IQCK: variants seen among roughly 807,000 people sequenced by gnomAD.
The protein encoded by IQCK is IQ domain-containing protein K.
In IQCK, 29 loss-of-function variants were observed where a neutral mutation model predicts 28.1. The ratio of observed to expected loss-of-function variants is 1.03; its 90% confidence interval spans 0.77 to 1.41. IQCK has a LOEUF of 1.41. Among genes scored for constraint, IQCK ranks in the 40% most tolerant of loss-of-function variants. IQCK has a pLI of 0.00. For synonymous variants in IQCK, 113 were observed against 115.1 expected (o/e 0.98, Z 0.12); for missense variants, 359 against 314.7 (o/e 1.14, Z -1.07).
intron 6 of IQCK, among the ~76,000 whole-genome samples, chr16:19,782,618 AC>A (rs1352544250): frequency 6.6e-6 from 1 of 151,640 alleles, no homozygotes; most frequent in Non-Finnish European, 1.5e-5. Context: ...ACAGAGCAAG[AC>A]CCTGTCAAAA....
intron 7 of IQCK, among the ~76,000 whole-genome samples, chr16:19,815,067 G>A (rs576858743): frequency 2.6e-5 from 4 of 152,154 alleles, no homozygotes; most frequent in Admixed American, 6.5e-5. Flanking sequence ...GATTATAGGC[G>A]TGAGCCACTA....
intron 7 of IQCK, among the ~76,000 whole-genome samples, chr16:19,789,484 G>T: frequency 1.8e-5 from 1 of 56,856 alleles, no homozygotes; most frequent in Non-Finnish European, 2.9e-5. Flanking sequence ...TAAAAGTACT[G>T]TCTTAACCTT....
intron 3 of IQCK, among the ~76,000 whole-genome samples, chr16:19,734,486 A>G (rs968869756): frequency 2.1e-5 from 3 of 140,876 alleles, no homozygotes; most frequent in African/African-American, 8.5e-5. Flanking sequence ...AAAATTATCC[A>G]GGCATGGTGG....
chr16:19,848,161 G>A (rs2056435674), intron 9 of IQCK, among the ~76,000 whole-genome samples: 1 of 152,218 alleles, frequency 6.6e-6, no homozygotes, highest in Non-Finnish European at 1.5e-5. Context: ...AACAATGAGT[G>A]TGATGAGTCT....
intron 7 of IQCK, among the ~76,000 whole-genome samples, chr16:19,809,087 C>T (rs2055869321): frequency 6.6e-6 from 1 of 152,158 alleles, no homozygotes; most frequent in Admixed American, 6.5e-5. Flanking sequence ...GAACTCCTGA[C>T]CTCAGGTGAT....
At position 19,735,334 on chromosome 16, in the gene IQCK, TTTTG is replaced by T. The variant is rs770012665; in HGVS notation, c.377-7_377-4del. On this transcript the variant is annotated splice_polypyrimidine_tract_variant and intron_variant, in intron 3 of 7. Transcript: ENST00000564186. The stretch of plus-strand genomic sequence containing the variant: ...GCCACTGGGGATTTGCAGGGGGAAT[TTTTG>T]TTTGTTTGTTTTAGGTTCTCCCAAA... 3.8e-6 allele frequency: 6 copies of T among 1,586,246 alleles called. No homozygotes were observed. The highest frequency in any genetic ancestry group is 3.3e-5 in the Admixed American group (2 of 59,888).
intron 1 of IQCK, among the ~76,000 whole-genome samples, chr16:19,719,625 A>C (rs1977415882): frequency 6.6e-6 from 1 of 150,940 alleles, no homozygotes; most frequent in South Asian, 2.1e-4. Context: ...AGCATTTGAA[A>C]TGTGATTAGT....
downstream of IQCK, among the ~76,000 whole-genome samples, chr16:19,831,136 C>T (rs927793558): frequency 1.3e-5 from 2 of 152,168 alleles, no homozygotes; most frequent in African/African-American, 4.8e-5. Context: ...TGGGGCTGGG[C>T]CCAGGACTTC....
At chr16:19,740,570 A>G (rs1441315531) in intron 4 of IQCK, among the ~76,000 whole-genome samples, 2 of 152,198 alleles carry the variant, frequency 1.3e-5, no homozygotes, top group South Asian at 2.1e-4. Context: ...CTGTTGACCA[A>G]AGTATATTGA....
At chr16:19,856,373 C>G in intron 9 of IQCK, 114 bp from the exon 9 acceptor site, 1 of 759,006 alleles carries the variant, frequency 1.3e-6, no homozygotes, top group Non-Finnish European at 2.3e-6. Context: ...AGCAGGCGCA[C>G]AGTGGGTTTT....
At chr16:19,727,594 C>A (rs977683584) in intron 1 of IQCK, among the ~76,000 whole-genome samples, 1 of 150,554 alleles carries the variant, frequency 6.6e-6, no homozygotes, top group Admixed American at 6.6e-5. Flanking sequence ...CACCCCCCCC[C>A]CCCAAAAAAA....
rs192569767 is a variant in IQCK at position 19,741,712 on chromosome 16, C to T, written c.474+6262C>T. On this transcript the variant is annotated intron_variant, in intron 4 of 7. Coordinates refer to ENST00000564186, the Ensembl canonical transcript of IQCK. ...TTAAAACTGTTCATATGTGGCCAGGCATGGTGGTTCATGCCTGTAATCCCA... is the reference window on the plus strand; with the variant it reads ...TTAAAACTGTTCATATGTGGCCAGGTATGGTGGTTCATGCCTGTAATCCCA... Among the ~76,000 whole-genome samples the T allele has an allele frequency of 2.3e-3, 349 of 152,256 alleles. 2 individuals are homozygous for T. Among genetic ancestry groups the T allele is most frequent in the Middle Eastern group, 6.8e-3 (2 of 294 alleles).
chr16:19,838,039 C>T (rs549468916), intron 9 of IQCK, among the ~76,000 whole-genome samples: 1 of 152,360 alleles, frequency 6.6e-6, no homozygotes, highest in South Asian at 2.1e-4. Context: ...ATCAGGAAAT[C>T]TCTATAACAG....
At chr16:19,735,317 G>C in intron 3 of IQCK, 36 bp from the exon 4 acceptor site, 2 of 1,462,220 alleles carry the variant, frequency 1.4e-6, no homozygotes, top group Non-Finnish European at 1.9e-6. Flanking sequence ...GGGCCACTGG[G>C]GATTTGCAGG....
chr16:19,768,101 C>T (rs1211580278), intron 6 of IQCK, among the ~76,000 whole-genome samples: 5 of 148,416 alleles, frequency 3.4e-5, no homozygotes, highest in Non-Finnish European at 5.9e-5. Context: ...AGAAAAAGTA[C>T]TGCATCCAGG....
intron 6 of IQCK, among the ~76,000 whole-genome samples, chr16:19,769,105 G>C (rs2055282815): frequency 6.6e-6 from 1 of 152,184 alleles, no homozygotes; most frequent in South Asian, 2.1e-4. Context: ...GGCTGCTTGA[G>C]TATCCTCATG....
At chr16:19,836,722 C>T (rs1237014211) in intron 9 of IQCK, among the ~76,000 whole-genome samples, 1 of 152,188 alleles carries the variant, frequency 6.6e-6, no homozygotes, top group Non-Finnish European at 1.5e-5. Flanking sequence ...CCATGTTGGC[C>T]AGGATGCTCT....
intron 9 of IQCK, among the ~76,000 whole-genome samples, chr16:19,854,139 A>G (rs2056523080): frequency 6.6e-6 from 1 of 152,244 alleles, no homozygotes; most frequent in Non-Finnish European, 1.5e-5. Context: ...GCCCCAGGGT[A>G]GTTACATCAG....
chr16:19,728,505 C>G (rs1314219693), intron 1 of IQCK, among the ~76,000 whole-genome samples: 1 of 152,172 alleles, frequency 6.6e-6, no homozygotes, highest in African/African-American at 2.4e-5. Context: ...CCACCTTGGC[C>G]TCGTAAAGTG....
Sources: gnomAD v4.1 joint callset for allele counts (sites outside exome capture counted in the v4.1 genomes callset) on GRCh38, gnomAD v4.1.1 for gene constraint, MANE v1.5 for transcripts, NCBI Gene and HGNC (gene_info 2026-07-23, HGNC 2026-07-21) for gene names.